DLGAP2: variants seen among roughly 807,000 people sequenced by gnomAD.
DLGAP2 encodes the protein disks large-associated protein 2.
A neutral mutation model predicts 100.3 loss-of-function variants in DLGAP2; 26 were observed. The observed-to-expected ratio is 0.26, with a 90% confidence interval of 0.19 to 0.36. DLGAP2 has a LOEUF of 0.36. Ranked by LOEUF, DLGAP2 falls within the 10% of genes least tolerant of loss-of-function variation. DLGAP2 has a pLI of 1.00. For synonymous variants in DLGAP2, 886 were observed against 630.1 expected, an observed-to-expected ratio of 1.41 and a Z score of -6.08; for missense variants, 1,858 against 1,453.2, an observed-to-expected ratio of 1.28 and a Z score of -4.53.
intron 3 of DLGAP2, among the ~76,000 whole-genome samples, chr8:1,333,753 C>T (rs1801210567): frequency 6.6e-6 from 1 of 152,198 alleles, no homozygotes; most frequent in Non-Finnish European, 1.5e-5. Flanking sequence ...TATTCTCATA[C>T]CCAATTTTAA....
intron 2 of DLGAP2, among the ~76,000 whole-genome samples, chr8:1,250,008 G>A (rs1452118835): frequency 6.6e-6 from 1 of 152,128 alleles, no homozygotes; most frequent in East Asian, 1.9e-4. Context: ...AGCCTCCCGA[G>A]TAGCTGAGAC....
At chr8:1,580,114 G>T (rs73671231) in intron 6 of DLGAP2, among the ~76,000 whole-genome samples, 5 of 152,280 alleles carry the variant, frequency 3.3e-5, no homozygotes, top group East Asian at 1.9e-4. Context: ...AGGAGACACC[G>T]TAAAATTAAA....
intron 1 of DLGAP2, among the ~76,000 whole-genome samples, chr8:886,541 G>A (rs1299542604): frequency 2.0e-5 from 3 of 152,074 alleles, no homozygotes; most frequent in African/African-American, 7.2e-5. Context: ...CACTGCTTTA[G>A]CTGTGTCTCA....
At chr8:1,196,647 G>A (rs554580897) in intron 2 of DLGAP2, among the ~76,000 whole-genome samples, 48 of 152,280 alleles carry the variant, frequency 3.2e-4, no homozygotes, top group African/African-American at 1.1e-3. Context: ...GAGATGAAAA[G>A]AGTAATTTGA....
intron 6 of DLGAP2, among the ~76,000 whole-genome samples, chr8:1,566,591 G>C (rs1802412118): frequency 6.6e-6 from 1 of 152,198 alleles, no homozygotes; most frequent in African/African-American, 2.4e-5. Flanking sequence ...CCGGCTGTGA[G>C]GTCCTGGGCA....
intron 1 of DLGAP2, among the ~76,000 whole-genome samples, chr8:776,975 G>T: frequency 6.6e-6 from 1 of 152,094 alleles, no homozygotes; most frequent in Non-Finnish European, 1.5e-5. Flanking sequence ...TTATTAATAT[G>T]TGGGAGTCTA....
chr8:803,381 A>G (rs571751297), intron 1 of DLGAP2, among the ~76,000 whole-genome samples: 5 of 152,116 alleles, frequency 3.3e-5, no homozygotes, highest in Non-Finnish European at 7.4e-5. Context: ...TAAACCCTCT[A>G]CAAATAACAT....
At chr8:1,365,663 C>T (rs1198915725) in intron 3 of DLGAP2, among the ~76,000 whole-genome samples, 1 of 152,148 alleles carries the variant, frequency 6.6e-6, no homozygotes, top group African/African-American at 2.4e-5. Context: ...CCAAGTGTGC[C>T]GAGCCAAGCA....
chr8:1,594,789 A>T (rs1221800087), intron 6 of DLGAP2, among the ~76,000 whole-genome samples: 1 of 152,102 alleles, frequency 6.6e-6, no homozygotes, highest in Non-Finnish European at 1.5e-5. Flanking sequence ...AGTTTTTTTA[A>T]AAAAAAGTTA....
At chr8:1,270,525 G>T (rs533688419) in intron 3 of DLGAP2, among the ~76,000 whole-genome samples, 3 of 152,280 alleles carry the variant, frequency 2.0e-5, no homozygotes, top group Admixed American at 6.5e-5. Flanking sequence ...TAAGCCCAGC[G>T]GACAGAGTCA....
At chr8:1,334,970 G>T (rs555427489) in intron 3 of DLGAP2, among the ~76,000 whole-genome samples, 1 of 152,294 alleles carries the variant, frequency 6.6e-6, no homozygotes, top group Non-Finnish European at 1.5e-5. Context: ...CCCAGCCCTC[G>T]CAGGCACTTC....
chr8:1,635,899 C>T (rs1797754478), intron 8 of DLGAP2, among the ~76,000 whole-genome samples: 2 of 152,330 alleles, frequency 1.3e-5, no homozygotes, highest in South Asian at 4.1e-4. Context: ...TTTCACTCAA[C>T]CTTTAAAGGC....
rs151187678 is a variant in DLGAP2 at position 782,118 on chromosome 8, T to G, written c.18+44293T>G. ...AAGAAAAGATGAATGAGGTGAAAGA[T>G]ATCCCAGTTATCCTGATTTTATTAT... On this transcript the variant is annotated intron_variant, in intron 1 of 14. Transcript: ENST00000637795. Among the ~76,000 whole-genome samples, 1,229 of 152,262 alleles carry G rather than the reference T, an allele frequency of 8.1e-3. 6 individuals carry two copies. The highest frequency in any genetic ancestry group is 0.024 in the Middle Eastern group (7 of 294).
intron 2 of DLGAP2, among the ~76,000 whole-genome samples, chr8:968,611 G>T (rs573466093): frequency 9.8e-5 from 15 of 152,324 alleles, no homozygotes; most frequent in African/African-American, 2.4e-4. Flanking sequence ...TGCATCCTCA[G>T]TTGGGAGGGC....
intron 2 of DLGAP2, among the ~76,000 whole-genome samples, chr8:1,198,648 C>T (rs1040108577): frequency 2.0e-5 from 3 of 152,310 alleles, no homozygotes; most frequent in South Asian, 2.1e-4. Flanking sequence ...GGAGAAAGGC[C>T]GAGCCGCTCA....
chr8:988,688 C>G (rs1393455738), intron 2 of DLGAP2, among the ~76,000 whole-genome samples: 2 of 152,168 alleles, frequency 1.3e-5, no homozygotes, highest in Non-Finnish European at 2.9e-5. Flanking sequence ...GACCTTCCAT[C>G]TGATGTGTTC....
chr8:1,094,583 G>A (rs1226057497), intron 2 of DLGAP2, among the ~76,000 whole-genome samples: 3 of 152,186 alleles, frequency 2.0e-5, no homozygotes, highest in Admixed American at 6.5e-5. Context: ...TTTCTATGGC[G>A]ACAGCGACGA....
At chr8:1,480,377 T>A (rs1799058027) in intron 3 of DLGAP2, among the ~76,000 whole-genome samples, 1 of 152,146 alleles carries the variant, frequency 6.6e-6, no homozygotes, top group African/African-American at 2.4e-5. Context: ...TTCCTAATAC[T>A]CAGGGTCATG....
chr8:918,743 T>C (rs1162010179), intron 2 of DLGAP2, among the ~76,000 whole-genome samples: 1 of 152,196 alleles, frequency 6.6e-6, no homozygotes, highest in Non-Finnish European at 1.5e-5. Context: ...TTTTCTTTTA[T>C]AGCTTTTTAG....
Sources: allele counts gnomAD v4.1 joint callset (sites outside exome capture counted in the v4.1 genomes callset), GRCh38; gene constraint gnomAD v4.1.1; transcripts MANE v1.5; gene names NCBI Gene and HGNC (gene_info 2026-07-23, HGNC 2026-07-21).